The following JPH2 variants were observed in gnomAD, a reference collection of about 807,000 sequenced individuals.
JPH2 encodes the protein junctophilin-2.
JPH2 carries 38 observed loss-of-function variants against 55.9 expected under a neutral mutation model. The observed-to-expected ratio is 0.68, with a 90% CI of 0.52 to 0.89. The LOEUF (loss-of-function observed/expected upper bound fraction) is 0.89, where lower values mean the gene tolerates loss of function less well. Ranked by LOEUF, JPH2 falls within the 40% of genes least tolerant of loss-of-function variation. The pLI is 0.00. For synonymous variants in JPH2, 480 were observed against 472.4 expected (o/e 1.02, Z -0.21); for missense variants, 964 against 1,037.6 (o/e 0.93, Z 0.97).
At chr20:44,165,390 G>A (rs181128634) in intron 1 of JPH2, among the ~76,000 whole-genome samples, 113 of 152,060 alleles carry the variant, frequency 7.4e-4, no homozygotes, top group Non-Finnish European at 1.3e-4. Flanking sequence ...GAATCCAGCC[G>A]CTTCTCACCA....
chr20:44,155,162 C>G (rs987372263), intron 2 of JPH2, among the ~76,000 whole-genome samples: 1 of 152,208 alleles, frequency 6.6e-6, no homozygotes, highest in African/African-American at 2.4e-5. Context: ...TGTCTTTATG[C>G]TGGCTGCCCT....
Position 44,110,180 on chromosome 20 carries a change from T to C in JPH2, c.*3338A>G, listed in dbSNP as rs980873467. 2.6e-5 allele frequency among the ~76,000 whole-genome samples: 4 copies of C among 151,596 alleles called. No homozygotes were observed. The highest frequency in any genetic ancestry group is 9.7e-5 in the African/African-American group (4 of 41,248). The stretch of plus-strand genomic sequence containing the variant: ...TCCTTTGCACACCATCCAAAGTGAG[T>C]TCAATACAGCCACCCCTGCCCCCAA... On this transcript the variant is annotated 3_prime_UTR_variant, in exon 6 of 6. Coordinates refer to ENST00000372980, the MANE Select transcript of JPH2 (RefSeq NM_020433.5).
intron 1 of JPH2, among the ~76,000 whole-genome samples, chr20:44,179,953 C>G (rs1006309090): frequency 6.6e-6 from 1 of 152,198 alleles, no homozygotes; most frequent in Non-Finnish European, 1.5e-5. Context: ...GGTGCAGTGG[C>G]TCACCCCTGT....
chr20:44,116,357 G>T lies in JPH2; in HGVS notation c.1318C>A (p.Gln440Lys). Reference protein sequence around the residue: ...GPEYQKRRLLQEILENSESLL... With the variant: ...GPEYQKRRLLKEILENSESLL... ...CTCTCCGAGTTCTCCAGGATCTCCT[G>T]CAGCAGCCGGCGCTTCTGATATTCC... The change falls in exon 4 of 6, where the codon CAG becomes AAG. Residue 440 changes from glutamine (Q) to lysine (K), a missense_variant. Transcript: ENST00000372980. 1 of 1,547,738 alleles carries T rather than the reference G, an allele frequency of 6.5e-7. No individual in the cohort carries two copies.
intron 1 of JPH2, among the ~76,000 whole-genome samples, chr20:44,174,939 C>T (rs934506663): frequency 1.3e-5 from 2 of 151,886 alleles, no homozygotes; most frequent in African/African-American, 4.8e-5. Context: ...GTGGAGGTTG[C>T]GGTGGGCCAA....
In JPH2 at chr20:44,175,705, C is replaced by T. The variant is rs368619596; in HGVS notation, c.379+10622G>A. Reference sequence around the variant, plus strand: ...CTGCCCCAGATGATGCCCCGTGGCTCACCCCCAGAAGCAGGGGATTAACCA... The same window carrying T: ...CTGCCCCAGATGATGCCCCGTGGCTTACCCCCAGAAGCAGGGGATTAACCA... On this transcript the variant is annotated intron_variant, in intron 1 of 5. Transcript: ENST00000372980. 2.4e-4 allele frequency among the ~76,000 whole-genome samples: 36 copies of T among 152,350 alleles called. No homozygotes were observed. In the East Asian group the frequency reaches 6.8e-3, roughly 29 times the overall value.
intron 2 of JPH2, among the ~76,000 whole-genome samples, chr20:44,139,604 GCTA>G (rs942099152): frequency 3.6e-4 from 55 of 152,290 alleles, no homozygotes; most frequent in African/African-American, 1.3e-3. Flanking sequence ...AGTATAATAT[GCTA>G]CTTTTTGTGT....
chr20:44,132,767 G>A (rs1408098623), intron 2 of JPH2, among the ~76,000 whole-genome samples: 1 of 31,116 alleles, frequency 3.2e-5, no homozygotes. Flanking sequence ...CACCCCCACC[G>A]TCCCCCTCCA....
intron 2 of JPH2, among the ~76,000 whole-genome samples, chr20:44,135,431 C>T (rs1279132425): frequency 2.6e-5 from 4 of 152,160 alleles, no homozygotes; most frequent in African/African-American, 9.7e-5. Context: ...CTCCTGGGAA[C>T]TCTTGTCTCC....
intron 1 of JPH2, among the ~76,000 whole-genome samples, chr20:44,170,380 A>G (rs1296925651): frequency 2.0e-5 from 3 of 152,214 alleles, no homozygotes; most frequent in Non-Finnish European, 2.9e-5. Flanking sequence ...TCCTTCTCCA[A>G]GTCCTCTCAC....
chr20:44,140,771 G>A (rs2072451152), intron 2 of JPH2, among the ~76,000 whole-genome samples: 1 of 152,094 alleles, frequency 6.6e-6, no homozygotes, highest in South Asian at 2.1e-4. Context: ...ACTGAAGCAA[G>A]GGTAATCGTA....
At chr20:44,133,583 G>T (rs1397376913) in intron 2 of JPH2, among the ~76,000 whole-genome samples, 2 of 151,902 alleles carry the variant, frequency 1.3e-5, no homozygotes, top group African/African-American at 4.8e-5. Flanking sequence ...GTGCCCAGCC[G>T]ACTGACTGGA....
Position 44,109,779 on chromosome 20 carries a change from T to C in JPH2, c.*3739A>G, listed in dbSNP as rs954789722. ...CATGGCACCTCCAAAGGTCATCATC[T>C]GGGCCTGCATCTCTCCCAGAACAGC... On this transcript the variant is annotated 3_prime_UTR_variant, in exon 6 of 6. Coordinates refer to ENST00000372980, the MANE Select transcript of JPH2 (RefSeq NM_020433.5). Among the ~76,000 whole-genome samples the C allele has an allele frequency of 6.6e-6, 1 of 152,190 alleles. No homozygotes were observed. Among genetic ancestry groups the C allele is most frequent in the African/African-American group, 2.4e-5 (1 of 41,450 alleles).
At chr20:44,175,386 A>G (rs6017281) in intron 1 of JPH2, among the ~76,000 whole-genome samples, 30,925 of 152,196 alleles carry the variant, frequency 0.2, 3,973 homozygotes, top group African/African-American at 0.36. Flanking sequence ...TCATAAATTA[A>G]CAGTCCCTTC....
intron 1 of JPH2, among the ~76,000 whole-genome samples, chr20:44,163,973 G>T (rs2072635233): frequency 6.6e-6 from 1 of 152,224 alleles, no homozygotes; most frequent in South Asian, 2.1e-4. Flanking sequence ...GAGAGAGACA[G>T]AAATGGAGAA....
At position 44,186,651 on chromosome 20, in the gene JPH2, C is replaced by T. The variant is rs1280974898; in HGVS notation, c.55G>A (p.Glu19Lys). ...DDGGAYCGGWEGGKAHGHGLC... is the reference protein window; with the variant it reads ...DDGGAYCGGWKGGKAHGHGLC... ...CCATGCCCATGGGCCTTTCCCCCCTCCCAGCCCCCGCAGTACGCCCCTCCA... is the reference window on the plus strand; with the variant it reads ...CCATGCCCATGGGCCTTTCCCCCCTTCCAGCCCCCGCAGTACGCCCCTCCA... The change falls in exon 1 of 6, where the codon GAG becomes AAG. Residue 19 changes from glutamate (E) to lysine (K), a missense_variant. Transcript: ENST00000372980. 2 of 1,606,958 alleles carry T rather than the reference C, an allele frequency of 1.2e-6. No homozygotes were observed. Among genetic ancestry groups the T allele is most frequent in the Admixed American group, 3.3e-5 (2 of 59,964 alleles).
chr20:44,160,444 G>T lies in JPH2; in HGVS notation c.380-37C>A. On this transcript the variant is annotated intron_variant, in intron 1 of 5. Coordinates refer to ENST00000372980, the MANE Select transcript of JPH2 (RefSeq NM_020433.5). The surrounding 1 kb of genome is among the most constrained non-coding windows in gnomAD (Gnocchi z 4.9). Reference sequence around the variant, plus strand: ...GAGAGGGCGCGTCAGTAGGCGGCACGACGGGTCCCCGCGTGTGCACGGTGG... The same window carrying T: ...GAGAGGGCGCGTCAGTAGGCGGCACTACGGGTCCCCGCGTGTGCACGGTGG... The T allele has an allele frequency of 1.3e-6, 2 of 1,597,652 alleles. No homozygotes were observed. Among genetic ancestry groups the T allele is most frequent in the Non-Finnish European group, 1.7e-6 (2 of 1,173,388 alleles).
rs943266181 is a variant in JPH2, at chr20:44,107,278, T to A, written c.*6240A>T. On this transcript the variant is annotated 3_prime_UTR_variant, in exon 6 of 6. Transcript: ENST00000372980. ...CCTCAATAAGCACTCACTGAATGTC[T>A]ACTCTGCCCCGAGACCTAAGTGGGA... is the stretch of plus-strand genomic sequence containing the variant. Among the ~76,000 whole-genome samples the A allele has an allele frequency of 1.3e-5, 2 of 152,132 alleles. No homozygotes were observed. The highest frequency in any genetic ancestry group is 1.5e-5 in the Non-Finnish European group (1 of 68,024).
intron 1 of JPH2, among the ~76,000 whole-genome samples, chr20:44,171,534 C>T (rs2145889117): frequency 6.6e-6 from 1 of 151,928 alleles, no homozygotes; most frequent in East Asian, 2.0e-4. Flanking sequence ...CCCTCATGAT[C>T]TGGGCTTTGC....
Sources: allele counts gnomAD v4.1 joint callset (sites outside exome capture counted in the v4.1 genomes callset), GRCh38; gene constraint gnomAD v4.1.1; non-coding constraint Gnocchi (gnomAD v3.1); transcripts MANE v1.5; gene names NCBI Gene and HGNC (gene_info 2026-07-23, HGNC 2026-07-21).